The following UVRAG variants were observed in gnomAD, a reference collection of about 807,000 sequenced individuals.
The protein encoded by UVRAG is UV radiation resistance associated.
A neutral mutation model predicts 78.0 loss-of-function variants in UVRAG; 19 were observed. That is an observed-to-expected ratio of 0.24 (90% CI 0.17 to 0.36). The LOEUF is 0.36. Ranked by LOEUF, UVRAG falls within the 10% of genes least tolerant of loss-of-function variation. The probability of loss-of-function intolerance (pLI) is 1.00; values close to 1 mark genes in which losing one functional copy is unlikely to be tolerated. For synonymous variants in UVRAG, 323 were observed against 324.6 expected, an observed-to-expected ratio of 1.00 and a Z score of 0.05; for missense variants, 740 against 853.8, an observed-to-expected ratio of 0.87 and a Z score of 1.66.
At chr11:75,844,148 C>T (rs1303712510) in intron 1 of UVRAG, among the ~76,000 whole-genome samples, 1 of 151,860 alleles carries the variant, frequency 6.6e-6, no homozygotes, top group Admixed American at 6.6e-5. Flanking sequence ...AGGCCATAAA[C>T]AAAACAAACA....
At chr11:75,834,252 C>T (rs1468434370) in intron 1 of UVRAG, among the ~76,000 whole-genome samples, 1 of 151,632 alleles carries the variant, frequency 6.6e-6, no homozygotes, top group Non-Finnish European at 1.5e-5. Context: ...GACCCTGCTC[C>T]CTTAAAAAAA....
chr11:75,996,841 C>T (rs1295214618), intron 8 of UVRAG, among the ~76,000 whole-genome samples: 1 of 152,148 alleles, frequency 6.6e-6, no homozygotes, highest in African/African-American at 2.4e-5. Context: ...AGTTCACTGC[C>T]TTCCATAGAA....
At chr11:76,101,311 C>T (rs1205003119) in intron 13 of UVRAG, among the ~76,000 whole-genome samples, 2 of 151,902 alleles carry the variant, frequency 1.3e-5, no homozygotes, top group African/African-American at 2.4e-5. Context: ...GATGGTATCT[C>T]ACTGTGGTTT....
rs369556993 is a variant in UVRAG, at chr11:76,023,040, A to G, written c.1226+6060A>G. ...AGTAGCATATAAAAACTCTGTTTCTATACACCTCTCCTCCTCCCTCCCATC... is the reference window on the plus strand; with the variant it reads ...AGTAGCATATAAAAACTCTGTTTCTGTACACCTCTCCTCCTCCCTCCCATC... On this transcript the variant is annotated intron_variant, in intron 12 of 14. Coordinates refer to ENST00000356136, the MANE Select transcript of UVRAG (RefSeq NM_003369.4). 7.2e-5 allele frequency among the ~76,000 whole-genome samples: 11 copies of G among 152,164 alleles called. No homozygotes were observed. In the East Asian group the frequency reaches 1.5e-3, roughly 21 times the overall value.
At chr11:75,848,600 C>T (rs995377353) in intron 1 of UVRAG, among the ~76,000 whole-genome samples, 6 of 152,122 alleles carry the variant, frequency 3.9e-5, no homozygotes, top group Admixed American at 6.5e-5. Flanking sequence ...ATTCGATCTC[C>T]GTCCAAGCCC....
At chr11:76,120,039 T>G (rs1952247723) in intron 14 of UVRAG, among the ~76,000 whole-genome samples, 1 of 152,226 alleles carries the variant, frequency 6.6e-6, no homozygotes, top group South Asian at 2.1e-4. Flanking sequence ...TCTTCCTCTG[T>G]GTAGAATGTG....
intron 12 of UVRAG, among the ~76,000 whole-genome samples, chr11:76,019,599 A>ACCACTT (rs1271964206): frequency 3.3e-5 from 5 of 152,216 alleles, no homozygotes; most frequent in Admixed American, 6.5e-5. Flanking sequence ...TTGTAGAGGT[A>ACCACTT]CCACTTGGTG....
chr11:76,031,611 A>G (rs1410016598), intron 12 of UVRAG, among the ~76,000 whole-genome samples: 2 of 152,194 alleles, frequency 1.3e-5, no homozygotes, highest in Non-Finnish European at 2.9e-5. Context: ...CAGTGGGATA[A>G]GAAAGAAAAC....
chr11:75,829,055 C>T (rs376456505), intron 1 of UVRAG, among the ~76,000 whole-genome samples: 1 of 151,808 alleles, frequency 6.6e-6, no homozygotes, highest in Admixed American at 6.6e-5. Flanking sequence ...TGTAGAGTTG[C>T]AGAATTTCTT....
Position 75,884,212 on chromosome 11 carries a change from G to GTCTCTCTC in UVRAG, c.432+4192_432+4199dup, listed in dbSNP as rs138821865. ...TAAGCAAAAAGTCTATTTGAGATCA[G>GTCTCTCTC]TCTCTCTCTCTCTCTCTCTCTCTCT... On this transcript the variant is annotated intron_variant, in intron 4 of 14. Coordinates refer to ENST00000356136, the MANE Select transcript of UVRAG (RefSeq NM_003369.4). Among the ~76,000 whole-genome samples, 1,427 of 144,162 alleles carry GTCTCTCTC rather than the reference G, an allele frequency of 9.9e-3. 13 individuals carry two copies. The highest frequency in any genetic ancestry group is 0.027 in the East Asian group (135 of 4,978). 94.6% of individuals were successfully genotyped at this position (144,162 alleles called of 152,430 possible). A position where few individuals can be genotyped will look rare whatever the true frequency, so the allele number is the denominator to read the frequency against.
In UVRAG at chr11:76,142,999, G is replaced by A. The variant is rs972454951; in HGVS notation, c.*1586G>A. ...AAATAAACCCAACTCTCAGGCAGTC[G>A]AAAGCTTTAACTGGATCTGCAGAAG... is the stretch of plus-strand genomic sequence containing the variant. On this transcript the variant is annotated 3_prime_UTR_variant, in exon 15 of 15. Coordinates refer to ENST00000356136, the MANE Select transcript of UVRAG (RefSeq NM_003369.4). The A allele has an allele frequency of 2.6e-5, 4 of 152,138 alleles. No homozygotes were observed. The highest frequency in any genetic ancestry group is 7.2e-5 in the African/African-American group (3 of 41,412). The allele number at this position is 152,138 out of a possible 1,614,324, so 9.4% of individuals were successfully genotyped here. A position where few individuals can be genotyped will look rare whatever the true frequency, so the allele number is the denominator to read the frequency against.
intron 13 of UVRAG, among the ~76,000 whole-genome samples, chr11:76,067,187 C>G (rs897692605): frequency 2.2e-4 from 34 of 152,240 alleles, no homozygotes; most frequent in Admixed American, 2.2e-3. Flanking sequence ...TTTGCTTCAT[C>G]CTTCACACTC....
intron 5 of UVRAG, among the ~76,000 whole-genome samples, chr11:75,894,881 A>G (rs747890133): frequency 2.0e-5 from 3 of 151,932 alleles, no homozygotes; most frequent in Non-Finnish European, 4.4e-5. Context: ...AATAAAGTAT[A>G]GAAAGCTTTG....
At chr11:75,817,290 A>G (rs1337840994) in intron 1 of UVRAG, among the ~76,000 whole-genome samples, 2 of 152,124 alleles carry the variant, frequency 1.3e-5, no homozygotes, top group Non-Finnish European at 2.9e-5. Context: ...AGTGTGTGGG[A>G]TTAGGAAAGA....
intron 12 of UVRAG, among the ~76,000 whole-genome samples, chr11:76,042,394 G>C (rs1225927445): frequency 1.3e-5 from 2 of 152,192 alleles, no homozygotes; most frequent in Non-Finnish European, 2.9e-5. Context: ...AATTATAAAA[G>C]GAGTGGCTTG....
chr11:75,925,789 A>G (rs1201461134), intron 6 of UVRAG, among the ~76,000 whole-genome samples: 3 of 152,216 alleles, frequency 2.0e-5, no homozygotes, highest in Non-Finnish European at 4.4e-5. Flanking sequence ...AAGTTAGCAT[A>G]CATCTTTTTA....
intron 12 of UVRAG, among the ~76,000 whole-genome samples, chr11:76,022,215 AT>A (rs1950256914): frequency 1.3e-5 from 2 of 152,150 alleles, no homozygotes; most frequent in African/African-American, 2.4e-5. Flanking sequence ...GGCCTAATGT[AT>A]TGTCTATCCT....
At chr11:75,871,830 C>G (rs1479186746) in intron 3 of UVRAG, among the ~76,000 whole-genome samples, 2 of 152,262 alleles carry the variant, frequency 1.3e-5, no homozygotes, top group South Asian at 4.1e-4. Flanking sequence ...TTTAGTTGCT[C>G]TATCCTTGCC....
intron 11 of UVRAG, chr11:76,012,845 GTGTT>G (rs1950079037): frequency 1.5e-5 from 2 of 136,372 alleles, no homozygotes; most frequent in African/African-American, 5.9e-5. Context: ...GTGTGTGTGT[GTGTT>G]TAAGTAATCC....
Sources: gnomAD v4.1 joint callset for allele counts (sites outside exome capture counted in the v4.1 genomes callset) on GRCh38, gnomAD v4.1.1 for gene constraint, MANE v1.5 for transcripts, NCBI Gene and HGNC (gene_info 2026-07-23, HGNC 2026-07-21) for gene names.